Variants in PSKH1 observed in about 807,000 individuals in gnomAD.
PSKH1 encodes the protein protein serine kinase H1.
PSKH1 carries 12 observed loss-of-function variants against 26.7 expected under a neutral mutation model. The ratio of observed to expected loss-of-function variants is 0.45; its 90% confidence interval spans 0.29 to 0.73. PSKH1 has a LOEUF of 0.73. PSKH1 is among the 30% of genes least tolerant of loss of function. The pLI, the probability that PSKH1 is intolerant of heterozygous loss-of-function variation, is 0.11. For synonymous variants in PSKH1, 213 were observed against 234.3 expected (o/e 0.91, Z 0.83); for missense variants, 431 against 595.2 (o/e 0.72, Z 2.87).
intron 2 of PSKH1, among the ~76,000 whole-genome samples, chr16:67,925,645 C>T (rs1211726582): frequency 6.6e-6 from 1 of 152,122 alleles, no homozygotes; most frequent in Non-Finnish European, 1.5e-5. Flanking sequence ...CTTTCCTCCT[C>T]CTGGGGGCCA....
At chr16:67,902,170 G>A (rs960662405) in intron 1 of PSKH1, among the ~76,000 whole-genome samples, 2 of 151,592 alleles carry the variant, frequency 1.3e-5, no homozygotes, top group Admixed American at 1.3e-4. Flanking sequence ...TGAGGCACGA[G>A]AATTGTTTGA....
chr16:67,916,045 T>C (rs1165734362), intron 2 of PSKH1, among the ~76,000 whole-genome samples: 2 of 152,230 alleles, frequency 1.3e-5, no homozygotes, highest in African/African-American at 4.8e-5. Context: ...GAACATGGAC[T>C]ATGGTGCTCA....
At chr16:67,894,425 C>T (rs1029921718) in intron 1 of PSKH1, among the ~76,000 whole-genome samples, 1 of 152,204 alleles carries the variant, frequency 6.6e-6, no homozygotes, top group Non-Finnish European at 1.5e-5. Context: ...TTAATACAAG[C>T]GTGAGCCACT....
intron 2 of PSKH1, among the ~76,000 whole-genome samples, chr16:67,925,122 C>T (rs891867763): frequency 5.9e-5 from 9 of 151,776 alleles, no homozygotes; most frequent in Non-Finnish European, 1.2e-4. Flanking sequence ...TTTTCTTGAG[C>T]TGTGATCCAA....
At chr16:67,917,001 C>T (rs2058189631) in intron 2 of PSKH1, among the ~76,000 whole-genome samples, 2 of 152,220 alleles carry the variant, frequency 1.3e-5, no homozygotes, top group African/African-American at 2.4e-5. Context: ...CCCATTCACT[C>T]TCCACACCAA....
intron 1 of PSKH1, among the ~76,000 whole-genome samples, chr16:67,906,644 T>C (rs1386223477): frequency 6.6e-6 from 1 of 151,912 alleles, no homozygotes; most frequent in Admixed American, 6.6e-5. Context: ...GGATTACAGG[T>C]GTGAGCTACC....
intron 1 of PSKH1, among the ~76,000 whole-genome samples, chr16:67,897,312 TACTC>T (rs1046653490): frequency 6.6e-6 from 1 of 152,232 alleles, no homozygotes; most frequent in Admixed American, 6.5e-5. Flanking sequence ...CCAGGAATCT[TACTC>T]AAGGAGCATT....
At chr16:67,910,702 G>A (rs1030481096) in intron 2 of PSKH1, among the ~76,000 whole-genome samples, 6 of 152,096 alleles carry the variant, frequency 3.9e-5, no homozygotes, top group Admixed American at 2.0e-4. Flanking sequence ...GAGGTTTCGC[G>A]ACGTTGGCCA....
At chr16:67,908,073 C>T (rs1039007087) in intron 1 of PSKH1, among the ~76,000 whole-genome samples, 5 of 152,096 alleles carry the variant, frequency 3.3e-5, no homozygotes, top group African/African-American at 4.8e-5. Context: ...GGAGGGTGGG[C>T]GCCCTGACAG....
At chr16:67,916,681 A>C (rs533046656) in intron 2 of PSKH1, among the ~76,000 whole-genome samples, 38 of 152,100 alleles carry the variant, frequency 2.5e-4, no homozygotes, top group Non-Finnish European at 5.0e-4. Context: ...GGCTAGCTGG[A>C]GGCTACTGGA....
chr16:67,898,745 C>T (rs956445984), intron 1 of PSKH1, among the ~76,000 whole-genome samples: 5 of 151,786 alleles, frequency 3.3e-5, no homozygotes, highest in African/African-American at 1.2e-4. Context: ...GCCTCAGCCT[C>T]CTGAGTAGCT....
In PSKH1 at chr16:67,899,038, C is replaced by A. The variant is rs184316270; in HGVS notation, c.-71+5667C>A. ...TGGTTCCTTGCCTGGAAGACATTCA[C>A]AGACCCTGCCTCTATGGATAGGAAA... On this transcript the variant is annotated intron_variant, in intron 1 of 2. Coordinates refer to ENST00000291041, the MANE Select transcript of PSKH1 (RefSeq NM_006742.3). Among the ~76,000 whole-genome samples, 5 of 152,342 alleles carry A rather than the reference C, an allele frequency of 3.3e-5. No individual in the cohort carries two copies. In the East Asian group the frequency reaches 9.6e-4, roughly 29 times the overall value.
intron 2 of PSKH1, among the ~76,000 whole-genome samples, chr16:67,925,535 C>T (rs2058213639): frequency 6.6e-6 from 1 of 152,094 alleles, no homozygotes; most frequent in African/African-American, 2.4e-5. Flanking sequence ...GGAGACTTAC[C>T]TGCCTGTCGG....
intron 2 of PSKH1, among the ~76,000 whole-genome samples, chr16:67,926,567 C>T (rs1246359184): frequency 2.0e-5 from 3 of 152,098 alleles, no homozygotes; most frequent in African/African-American, 4.8e-5. Context: ...CTGCTGGGTT[C>T]GGGGCTGAGA....
chr16:67,916,731 T>C (rs746403591), intron 2 of PSKH1, among the ~76,000 whole-genome samples: 1 of 152,074 alleles, frequency 6.6e-6, no homozygotes, highest in Non-Finnish European at 1.5e-5. Context: ...TTGGGGCAGA[T>C]CAGGGATCCC....
chr16:67,894,831 G>A (rs1265187720), intron 1 of PSKH1, among the ~76,000 whole-genome samples: 1 of 152,018 alleles, frequency 6.6e-6, no homozygotes, highest in African/African-American at 2.4e-5. Flanking sequence ...TATGTGTGTG[G>A]TAGGTAGTAC....
Position 67,927,790 on chromosome 16 carries a change from G to A in PSKH1, c.*148G>A. On this transcript the variant is annotated 3_prime_UTR_variant, in exon 3 of 3. Coordinates refer to ENST00000291041, the MANE Select transcript of PSKH1 (RefSeq NM_006742.3). This position sits in a 1 kb window ranked among gnomAD's most constrained non-coding sequence, Gnocchi z 5.5. ...CTCCAGCCCTTTCTCTGTGCCTTCA[G>A]CAGCCCCTGTCCTCACCATGGGCCT... is the stretch of plus-strand genomic sequence containing the variant. 1 of 981,438 alleles carries A rather than the reference G, an allele frequency of 1.0e-6. No individual in the cohort carries two copies. The highest frequency in any genetic ancestry group is 1.7e-5 in the South Asian group (1 of 59,508). 60.8% of individuals were successfully genotyped at this position (981,438 alleles called of 1,614,324 possible).
chr16:67,919,731 G>T (rs551330815), intron 2 of PSKH1, among the ~76,000 whole-genome samples: 1 of 152,318 alleles, frequency 6.6e-6, no homozygotes, highest in East Asian at 1.9e-4. Flanking sequence ...CCTGCCCTTG[G>T]TTGGAGACCT....
rs8059824 is a variant in PSKH1, at chr16:67,929,381, G to A, written c.*1739G>A. On this transcript the variant is annotated 3_prime_UTR_variant, in exon 3 of 3. Transcript: ENST00000291041. ...TACCGTCCCCAATGCCCCCTGGGCA[G>A]GAGGCAGTGGAGAACCAAGCCCCAT... 0.036 allele frequency: 5,690 copies of A among 156,180 alleles called. 300 individuals carry two copies. The highest frequency in any genetic ancestry group is 0.12 in the African/African-American group (5,154 of 41,604). 9.7% of individuals were successfully genotyped at this position (156,180 alleles called of 1,614,324 possible).
Sources: gnomAD v4.1 joint callset for allele counts (sites outside exome capture counted in the v4.1 genomes callset) on GRCh38, gnomAD v4.1.1 for gene constraint, Gnocchi (gnomAD v3.1) non-coding constraint, MANE v1.5 for transcripts, NCBI Gene and HGNC (gene_info 2026-07-23, HGNC 2026-07-21) for gene names.